SGK1: variants seen among roughly 807,000 people sequenced by gnomAD.
The protein encoded by SGK1 is serum/glucocorticoid regulated kinase 1.
Under a neutral mutation model 64.2 loss-of-function variants are expected in SGK1, and 26 were observed. The observed-to-expected ratio is 0.40, with a 90% CI of 0.30 to 0.56. The LOEUF (loss-of-function observed/expected upper bound fraction) is 0.56. Ranked by LOEUF, SGK1 falls within the 20% of genes least tolerant of loss-of-function variation. SGK1 has a pLI of 0.38. For synonymous variants in SGK1, 265 were observed against 239.7 expected, an observed-to-expected ratio of 1.11 and a Z score of -0.98; for missense variants, 519 against 645.6, an observed-to-expected ratio of 0.80 and a Z score of 2.12.
chr6:134,248,768 C>T (rs1776563659), intron 2 of SGK1, among the ~76,000 whole-genome samples: 1 of 152,080 alleles, frequency 6.6e-6, no homozygotes, highest in African/African-American at 2.4e-5. Flanking sequence ...GGTAGGCTCT[C>T]CCTCATCAAG....
intron 2 of SGK1, among the ~76,000 whole-genome samples, chr6:134,218,100 G>C (rs866891729): frequency 6.6e-6 from 1 of 152,202 alleles, no homozygotes; most frequent in African/African-American, 2.4e-5. Context: ...GAGGATCAGA[G>C]ATTTGGGGAC....
rs938214039 is a variant in SGK1, at chr6:134,206,602, C to T, written c.361+754G>A. On this transcript the variant is annotated intron_variant, in intron 3 of 13. Coordinates refer to ENST00000367858, the MANE Select transcript of SGK1 (RefSeq NM_001143676.3). The stretch of plus-strand genomic sequence containing the variant: ...GATTGCAAGGCTAGGTATGGTGGCT[C>T]ACACCTGTAATCCTAGCACTTTGGG... Among the ~76,000 whole-genome samples the T allele has an allele frequency of 5.3e-5, 8 of 151,094 alleles. 1 individual carries two copies. In the South Asian group the frequency reaches 1.2e-3, roughly 24 times the overall value.
chr6:134,246,590 T>C (rs1048706156), intron 2 of SGK1, among the ~76,000 whole-genome samples: 1 of 152,100 alleles, frequency 6.6e-6, no homozygotes, highest in Non-Finnish European at 1.5e-5. Context: ...TGTATTTGTA[T>C]TTGTATTTAT....
chr6:134,253,425 C>T (rs981576750), intron 2 of SGK1, among the ~76,000 whole-genome samples: 4 of 151,924 alleles, frequency 2.6e-5, no homozygotes, highest in Admixed American at 6.6e-5. Context: ...TGAGCCACCG[C>T]GCCCAGCTGA....
intron 3 of SGK1, among the ~76,000 whole-genome samples, chr6:134,202,623 G>A (rs890348780): frequency 6.6e-6 from 1 of 152,018 alleles, no homozygotes. Context: ...ACTGCAGCCT[G>A]GGTGGCAGAG....
intron 3 of SGK1, among the ~76,000 whole-genome samples, chr6:134,206,383 A>ATTTTT (rs869072819): frequency 0.036 from 587 of 16,234 alleles, 28 homozygotes; most frequent in Middle Eastern, 0.071. Context: ...ATATATATAT[A>ATTTTT]TTTTTTTTTT....
rs972474200 is a variant in SGK1 at position 134,269,816 on chromosome 6, T to C, written c.70-7668A>G. Reference sequence around the variant, plus strand: ...CACTGATACTGGAGCCTGAAGCTGCTTCATAGCATGTCTCCTAAAATATAA... The same window carrying C: ...CACTGATACTGGAGCCTGAAGCTGCCTCATAGCATGTCTCCTAAAATATAA... On this transcript the variant is annotated intron_variant, in intron 1 of 13. Transcript: ENST00000367858. Among the ~76,000 whole-genome samples the C allele has an allele frequency of 6.1e-5, 9 of 148,316 alleles. 2 individuals carry two copies. The highest frequency in any genetic ancestry group is 1.3e-4 in the Non-Finnish European group (9 of 66,846).
At chr6:134,204,953 T>TTTTCTTTC (rs768830680) in intron 3 of SGK1, among the ~76,000 whole-genome samples, 1 of 142,276 alleles carries the variant, frequency 7.0e-6, no homozygotes, top group African/African-American at 2.8e-5. Context: ...CCCTCCCTCC[T>TTTTCTTTC]TTTCTTTCTT....
intron 1 of SGK1, among the ~76,000 whole-genome samples, chr6:134,301,587 C>CTTCT (rs1777458784): frequency 1.2e-5 from 1 of 85,466 alleles, no homozygotes; most frequent in African/African-American, 4.8e-5. Flanking sequence ...TCTTCTCTTC[C>CTTCT]CTTCTCTTCT....
At chr6:134,287,583 G>GT (rs1216333047) in intron 1 of SGK1, among the ~76,000 whole-genome samples, 1 of 150,380 alleles carries the variant, frequency 6.6e-6, no homozygotes, top group South Asian at 2.1e-4. Flanking sequence ...CTGTGATTTG[G>GT]TTTTTTATAT....
intron 1 of SGK1, among the ~76,000 whole-genome samples, chr6:134,295,746 T>C (rs1471004787): frequency 3.3e-5 from 5 of 150,146 alleles, no homozygotes; most frequent in Admixed American, 3.3e-4. Flanking sequence ...CCTGGAGGAT[T>C]CTATGGGGAA....
chr6:134,246,292 G>A (rs993435333), intron 2 of SGK1, among the ~76,000 whole-genome samples: 1 of 151,644 alleles, frequency 6.6e-6, no homozygotes, highest in Non-Finnish European at 1.5e-5. Context: ...GGGATTACAG[G>A]CATGTGCCAC....
At chr6:134,200,314 T>A (rs114524449) in intron 3 of SGK1, among the ~76,000 whole-genome samples, 1,686 of 152,320 alleles carry the variant, frequency 0.011, 30 homozygotes, top group African/African-American at 0.037. Context: ...TTTTTCCCTA[T>A]GATGAGCATA....
chr6:134,295,693 A>C (rs1408244157), intron 1 of SGK1, among the ~76,000 whole-genome samples: 1 of 147,486 alleles, frequency 6.8e-6, no homozygotes, highest in Non-Finnish European at 1.5e-5. Flanking sequence ...ACAGAGTGAG[A>C]CTCCATCTCA....
At chr6:134,174,686 CT>C (rs1775156835) in intron 3 of SGK1, 100 bp from the exon 4 acceptor site, 1 of 1,613,666 alleles carries the variant, frequency 6.2e-7, no homozygotes, top group Non-Finnish European at 8.5e-7. Context: ...AAAATTTCCA[CT>C]TTGCGTCTCC....
chr6:134,303,843 C>G lies in SGK1; in HGVS notation c.69+13549G>C, dbSNP rs147657135. On this transcript the variant is annotated intron_variant, in intron 1 of 13. Transcript: ENST00000367858. ...GAAACTTTGACACAGTTTCTCTTTG[C>G]CACTCTTCATATTGAGAGGTGAAGT... 8.2e-4 allele frequency among the ~76,000 whole-genome samples: 124 copies of G among 152,134 alleles called. 4 individuals are homozygous for G. The East Asian group carries it at 0.024, about 29-fold the overall frequency.
chr6:134,300,419 T>G (rs1777431688), intron 1 of SGK1, among the ~76,000 whole-genome samples: 11 of 150,904 alleles, frequency 7.3e-5, no homozygotes, highest in Admixed American at 7.3e-4. Flanking sequence ...GCGCCTGTAG[T>G]CCTAGCTACT....
At chr6:134,214,398 C>T (rs537066505) in intron 2 of SGK1, among the ~76,000 whole-genome samples, 23 of 152,242 alleles carry the variant, frequency 1.5e-4, no homozygotes, top group South Asian at 1.4e-3. Context: ...CGAGACCAGC[C>T]TAGCCAGCAT....
intron 3 of SGK1, among the ~76,000 whole-genome samples, chr6:134,188,973 T>C (rs1275350619): frequency 6.7e-6 from 1 of 148,164 alleles, no homozygotes; most frequent in Non-Finnish European, 1.5e-5. Flanking sequence ...CTCAAGCTCC[T>C]GGGCTCAAGT....
Sources: gnomAD v4.1 joint callset for allele counts (sites outside exome capture counted in the v4.1 genomes callset) on GRCh38, gnomAD v4.1.1 for gene constraint, MANE v1.5 for transcripts, NCBI Gene and HGNC (gene_info 2026-07-23, HGNC 2026-07-21) for gene names.